ZKSCAN7: variants seen among roughly 807,000 people sequenced by gnomAD.
The protein encoded by ZKSCAN7 is zinc finger with KRAB and SCAN domains 7.
A neutral mutation model predicts 65.3 loss-of-function variants in ZKSCAN7; 38 were observed. The observed-to-expected ratio is 0.58, with a 90% confidence interval of 0.45 to 0.76. The LOEUF is 0.76. Ranked by LOEUF, ZKSCAN7 falls within the 30% of genes least tolerant of loss-of-function variation. The pLI is 0.00. For synonymous variants in ZKSCAN7, 321 were observed against 321.0 expected (o/e 1.00, Z 0.00); for missense variants, 815 against 913.3 (o/e 0.89, Z 1.39).
At chr3:44,580,034 G>T (rs1700030813) in intron 5 of ZKSCAN7, 2 of 1,577,236 alleles carry the variant, frequency 1.3e-6, no homozygotes, top group African/African-American at 1.4e-5. Context: ...TCTCGCTGCG[G>T]CCCTGGCGTG....
intron 5 of ZKSCAN7, 84 bp downstream of exon 5, chr3:44,568,517 C>T (rs752342880): frequency 2.6e-6 from 4 of 1,534,578 alleles, no homozygotes; most frequent in Non-Finnish European, 3.5e-6. Flanking sequence ...AAACTTTTTA[C>T]CATGAAAATT....
At chr3:44,569,526 C>G (rs1699731132) in intron 5 of ZKSCAN7, among the ~76,000 whole-genome samples, 1 of 152,116 alleles carries the variant, frequency 6.6e-6, no homozygotes, top group Non-Finnish European at 1.5e-5. Flanking sequence ...AACATGTTTT[C>G]TGAGAACAAT....
At chr3:44,573,670 A>G (rs1269416427), downstream of ZKSCAN7, among the ~76,000 whole-genome samples, 5 of 152,270 alleles carry the variant, frequency 3.3e-5, no homozygotes, top group African/African-American at 1.2e-4. Flanking sequence ...GACAAGCCCA[A>G]CCCTATATGA....
At position 44,559,742 on chromosome 3, in the gene ZKSCAN7, A is replaced by G. The variant is rs112495573; in HGVS notation, c.423+2272A>G. ...ACGCTCAGCCTATTCAATGCTTTTT[A>G]AAAAATGATTACATATCACTAGGGA... On this transcript the variant is annotated intron_variant, in intron 2 of 5. Transcript: ENST00000426540. Among the ~76,000 whole-genome samples, 213 of 152,346 alleles carry G rather than the reference A, an allele frequency of 1.4e-3. 1 individual carries two copies. In the Middle Eastern group the frequency reaches 0.017, roughly 12 times the overall value.
At chr3:44,556,877 T>G (rs1575353042) in intron 1 of ZKSCAN7, 53 bp from the exon 2 acceptor site, 1 of 880,578 alleles carries the variant, frequency 1.1e-6, no homozygotes, top group East Asian at 2.4e-5. Flanking sequence ...AGGATTGTCA[T>G]CAGCCTGGGG....
rs1699697721 is a variant in ZKSCAN7 at position 44,568,421 on chromosome 3, A to G, written c.799A>G (p.Met267Val). 5 of 1,613,938 alleles carry G rather than the reference A, an allele frequency of 3.1e-6. No homozygotes were observed. Among genetic ancestry groups the G allele is most frequent in the Non-Finnish European group, 4.2e-6 (5 of 1,179,890 alleles). The stretch of plus-strand genomic sequence containing the variant: ...CATGATGCCAGAAAATCACCATAGC[A>G]TGGCCTCCTTGGGTAATGATTCTGT... Reference protein sequence around the residue: ...WNMMPENHHSMASLAGENMMK... With the variant: ...WNMMPENHHSVASLAGENMMK... The change falls in exon 5 of 6, where the codon ATG becomes GTG. Residue 267 changes from methionine to valine, a missense_variant. Met to Val is a conservative substitution (Grantham distance 21, BLOSUM62 1). Transcript: ENST00000426540.
At chr3:44,567,812 G>A (rs887182564) in intron 3 of ZKSCAN7, 100 bp from the exon 4 acceptor site, 9 of 585,188 alleles carry the variant, frequency 1.5e-5, no homozygotes, top group Admixed American at 6.1e-5. Context: ...AGTGTGTGTG[G>A]AGGTGCCTGG....
intron 2 of ZKSCAN7, among the ~76,000 whole-genome samples, chr3:44,561,113 A>C (rs1226691561): frequency 6.6e-6 from 1 of 152,210 alleles, no homozygotes; most frequent in Non-Finnish European, 1.5e-5. Flanking sequence ...TCACACTGCT[A>C]TAAAGAACTA....
At chr3:44,563,684 A>G (rs1427455902) in intron 2 of ZKSCAN7, among the ~76,000 whole-genome samples, 2 of 130,878 alleles carry the variant, frequency 1.5e-5, no homozygotes, top group African/African-American at 5.6e-5. Flanking sequence ...GTCACTTCCC[A>G]CTGGGCCCCT....
intron 5 of ZKSCAN7, among the ~76,000 whole-genome samples, chr3:44,581,259 C>T (rs1473383442): frequency 6.7e-6 from 1 of 148,724 alleles, no homozygotes; most frequent in Non-Finnish European, 1.5e-5. Context: ...CCGCCGTGGG[C>T]CCAAGGACGC....
exon 6 of ZKSCAN7, chr3:44,583,058 C>T: frequency 2.5e-6 from 1 of 401,348 alleles, no homozygotes; most frequent in Non-Finnish European, 5.0e-6. Context: ...TCCTGAGTAG[C>T]TGGGATTACA....
intron 5 of ZKSCAN7, chr3:44,580,467 ATGC>A (rs756614853): frequency 9.4e-5 from 150 of 1,596,846 alleles, no homozygotes; most frequent in East Asian, 7.4e-4. Flanking sequence ...AGCACTGGGG[ATGC>A]TGCTGCTGCT....
intron 3 of ZKSCAN7, 88 bp downstream of exon 3, chr3:44,565,743 C>A (rs1699614261): frequency 7.7e-7 from 1 of 1,306,174 alleles, no homozygotes; most frequent in Non-Finnish European, 1.0e-6. Context: ...TCTCCTACTC[C>A]ATGGAATCCC....
chr3:44,565,411 G>A lies in ZKSCAN7; in HGVS notation c.424-76G>A, dbSNP rs1388375682. 43 of 1,377,490 alleles carry A rather than the reference G, an allele frequency of 3.1e-5. No homozygotes were observed. The East Asian group carries it at 1.1e-3, about 37-fold the overall frequency. The allele number at this position is 1,377,490 out of a possible 1,614,324, so 85.3% of individuals were successfully genotyped here. On this transcript the variant is annotated intron_variant, in intron 2 of 5. Coordinates refer to ENST00000426540, the MANE Select transcript of ZKSCAN7 (RefSeq NM_001288590.2). ...CTTTTCCCTGGCTTTCTTTCTGGAG[G>A]GAGCTGCTTAGAGGTTTTGGGTTCA...
In ZKSCAN7 at chr3:44,571,985, A is replaced by C; in HGVS notation, c.*610A>C. On this transcript the variant is annotated 3_prime_UTR_variant, in exon 6 of 6. Coordinates refer to ENST00000426540, the MANE Select transcript of ZKSCAN7 (RefSeq NM_001288590.2). ...CTCTTGATTTGACCTCAGTGCTTTG[A>C]ATTCACTGGTGCTACAATATGTAAC... is the stretch of plus-strand genomic sequence containing the variant. 2 of 986,614 alleles carry C rather than the reference A, an allele frequency of 2.0e-6. No individual in the cohort carries two copies. Among genetic ancestry groups the C allele is most frequent in the Non-Finnish European group, 2.4e-6 (2 of 830,712 alleles). 61.1% of individuals were successfully genotyped at this position (986,614 alleles called of 1,614,324 possible).
At chr3:44,578,309 T>C (rs751292526) in intron 5 of ZKSCAN7, 129 of 1,590,566 alleles carry the variant, frequency 8.1e-5, no homozygotes, top group Admixed American at 1.8e-4. Context: ...TTCCGATTCC[T>C]ATATCCGCAA....
intron 5 of ZKSCAN7, 54 bp from the exon 6 acceptor site, chr3:44,569,868 T>C (rs1699742693): frequency 6.7e-7 from 1 of 1,490,550 alleles, no homozygotes; most frequent in Non-Finnish European, 8.9e-7. Flanking sequence ...ATGATTCTCT[T>C]TCTTAAACAG....
chr3:44,583,165 T>A, exon 6 of ZKSCAN7: 1 of 281,518 alleles, frequency 3.6e-6, no homozygotes, highest in Non-Finnish European at 7.0e-6. Flanking sequence ...TGACCTCAGG[T>A]GATCCACCCG....
In ZKSCAN7 at chr3:44,557,293, G is replaced by T; in HGVS notation, c.246G>T (p.Trp82Cys). 6.2e-7 allele frequency: 1 copy of T among 1,614,290 alleles called. No individual in the cohort carries two copies. The highest frequency in any genetic ancestry group is 1.1e-5 in the South Asian group (1 of 91,090). Residue 82 changes from tryptophan to cysteine, a missense_variant, in exon 2 of 6, where the codon TGG (tryptophan) becomes TGT (cysteine). Around this residue, in one of 3 missense-constraint regions of ZKSCAN7, gnomAD observed 227 missense variants for 253.3 expected, o/e 0.90. Transcript: ENST00000426540. ...GGCTTCGGGAGCTCTGCCGCTGGTG[G>T]CTCATGCCAGAGGTGCACACCAAGG... ...LSRLRELCRW[W>C]LMPEVHTKEQ... is the part of the protein sequence containing the mutation.
Sources: gnomAD v4.1 joint callset for allele counts (sites outside exome capture counted in the v4.1 genomes callset) on GRCh38, gnomAD v4.1.1 for gene constraint, gnomAD v4.1.1 regional missense constraint, MANE v1.5 for transcripts, NCBI Gene and HGNC (gene_info 2026-07-23, HGNC 2026-07-21) for gene names.